The following KDM6A variants were observed in gnomAD, a reference collection of about 807,000 sequenced individuals.
KDM6A encodes the protein lysine-specific demethylase 6A.
In KDM6A, 11 loss-of-function variants were observed where a neutral mutation model predicts 117.6. That is an observed-to-expected ratio of 0.09 (90% CI 0.06 to 0.15). KDM6A has a LOEUF of 0.15. Among genes scored for constraint, KDM6A ranks in the 10% least tolerant of loss-of-function variants. KDM6A has a pLI of 1.00. For missense variants in KDM6A, 799 were observed against 1,077.3 expected, an observed-to-expected ratio of 0.74 and a Z score of 3.62; for synonymous variants, 384 against 396.1, an observed-to-expected ratio of 0.97 and a Z score of 0.36.
Position 44,873,710 on chromosome X carries a change from C to T in KDM6A, c.159C>T (p.Asp53=). Reference sequence around the variant, plus strand: ...AGAGGGAGGCGCTCGGCGGACTGGACAGGTACGGGCCGCCGTCACTCGCCC... The same window carrying T: ...AGAGGGAGGCGCTCGGCGGACTGGATAGGTACGGGCCGCCGTCACTCGCCC... ...AEEREALGGL[D]SRLFGFVRFH... is the part of the protein sequence containing the mutation. Residue 53 remains aspartate, a splice_region_variant and synonymous_variant, in exon 1 of 30, where the codon GAC becomes GAT. Transcript: ENST00000611820. 1.7e-6 allele frequency: 2 copies of T among 1,167,158 alleles called. No homozygotes were observed. The highest frequency in any genetic ancestry group is 2.3e-6 in the Non-Finnish European group (2 of 873,181).
At chrX:44,927,079 T>C (rs2036346789) in intron 2 of KDM6A, among the ~76,000 whole-genome samples, 1 of 111,660 alleles carries the variant, frequency 9.0e-6, no homozygotes, top group Non-Finnish European at 1.9e-5. Flanking sequence ...ATTTTAAAAT[T>C]TCACTTACAG....
At chrX:44,895,603 A>G (rs1161452523) in intron 2 of KDM6A, among the ~76,000 whole-genome samples, 1 of 106,272 alleles carries the variant, frequency 9.4e-6, no homozygotes, top group Non-Finnish European at 1.9e-5. Flanking sequence ...ATTAATTTGA[A>G]TCATTTCCTT....
At chrX:44,964,455 A>C (rs986121203) in intron 3 of KDM6A, among the ~76,000 whole-genome samples, 3 of 108,214 alleles carry the variant, frequency 2.8e-5, no homozygotes, top group African/African-American at 1.0e-4. Flanking sequence ...TCTCAGAAAA[A>C]AAAAAAAAAA....
At chrX:44,989,311 TTGAC>T (rs1419460394) in intron 4 of KDM6A, among the ~76,000 whole-genome samples, 1 of 104,752 alleles carries the variant, frequency 9.5e-6, no homozygotes, top group Non-Finnish European at 2.0e-5. Context: ...ACCCCTTTCT[TTGAC>T]TAGGAAAGGG....
chrX:45,005,887 C>T (rs2041414774), intron 4 of KDM6A, among the ~76,000 whole-genome samples: 1 of 106,059 alleles, frequency 9.4e-6, no homozygotes, highest in African/African-American at 3.4e-5. Context: ...GTTCAGTCCC[C>T]TCCAATGGGC....
rs900394243 is a variant in KDM6A at position 45,020,464 on chromosome X, T to C, written c.444-146T>C. ...CCATATGCCCCTTTTCAATTTTACT[T>C]TTTTAGTATTTATTAACATCATTTT... On this transcript the variant is annotated intron_variant, in intron 5 of 29. Coordinates refer to ENST00000611820, the MANE Select transcript of KDM6A (RefSeq NM_001291415.2). 72 of 581,055 alleles carry C rather than the reference T, an allele frequency of 1.2e-4. No individual in the cohort carries two copies. In the Admixed American group the frequency reaches 2.6e-3, roughly 21 times the overall value. The allele number at this position is 581,055 out of a possible 1,213,427, so 47.9% of individuals were successfully genotyped here.
At chrX:44,889,990 T>C (rs760364797) in intron 2 of KDM6A, among the ~76,000 whole-genome samples, 1 of 112,296 alleles carries the variant, frequency 8.9e-6, no homozygotes, top group Middle Eastern at 4.6e-3. Context: ...GATGCTGATA[T>C]TGAAATATAG....
At chrX:44,894,758 G>C (rs945996104) in intron 2 of KDM6A, among the ~76,000 whole-genome samples, 56 of 105,827 alleles carry the variant, frequency 5.3e-4, no homozygotes, top group Non-Finnish European at 9.1e-4. Context: ...GGGATTACAG[G>C]CACCCGTCTT....
At position 45,082,717 on chromosome X, in the gene KDM6A, C is replaced by G. The variant is rs766940719; in HGVS notation, c.3368C>G (p.Ser1123Cys). 31 of 1,200,154 alleles carry G rather than the reference C, an allele frequency of 2.6e-5. No individual in the cohort carries two copies. The East Asian group carries it at 2.7e-4, about 10-fold the overall frequency. Reference sequence around the variant, plus strand: ...TAATACTGTGTCTCTTTTTTAAGTTCTGGGAGGAGGAGGAAAGGACCCTTT... The same window carrying G: ...TAATACTGTGTCTCTTTTTTAAGTTGTGGGAGGAGGAGGAAAGGACCCTTT... ...SDSESTSSDN[S>C]GRRRKGPFKT... The change falls in exon 23 of 30, where the codon TCT (serine) becomes TGT (cysteine). Residue 1123 changes from serine to cysteine, a missense_variant and splice_region_variant. Ser to Cys is a moderately radical substitution (Grantham distance 112). This residue lies in a region of KDM6A where 291 missense variants were observed against 437.9 expected (regional missense o/e 0.66). Transcript: ENST00000611820.
At chrX:45,084,200 C>A (rs1365214551) in intron 24 of KDM6A, among the ~76,000 whole-genome samples, 1 of 111,942 alleles carries the variant, frequency 8.9e-6, no homozygotes, top group Non-Finnish European at 1.9e-5. Context: ...TGGCAAGTTA[C>A]ATTTCTTCTT....
At chrX:44,892,513 C>G (rs1394805934) in intron 2 of KDM6A, among the ~76,000 whole-genome samples, 2 of 109,443 alleles carry the variant, frequency 1.8e-5, no homozygotes, top group Non-Finnish European at 3.8e-5. Flanking sequence ...CATGGTGAAA[C>G]CCCGTCTCCA....
rs186191371 is a variant in KDM6A, at chrX:44,946,540, A to G, written c.226-14744A>G. 5.2e-3 allele frequency among the ~76,000 whole-genome samples: 581 copies of G among 111,548 alleles called. 10 individuals are homozygous for G. Among genetic ancestry groups the G allele is most frequent in the African/African-American group, 0.016 (484 of 30,749 alleles). On this transcript the variant is annotated intron_variant, in intron 2 of 29. Transcript: ENST00000611820. The stretch of plus-strand genomic sequence containing the variant: ...TTATACTAATTTTTTTTTTATAAAC[A>G]TAAGTTCTGAGCATTGAGGTAGTTG...
At chrX:45,086,068 T>C in intron 25 of KDM6A, 89 bp downstream of exon 25, 5 of 542,970 alleles carry the variant, frequency 9.2e-6, no homozygotes, top group Non-Finnish European at 1.7e-5. Flanking sequence ...TCCTAATGGA[T>C]ACATTGCCAG....
intron 4 of KDM6A, among the ~76,000 whole-genome samples, chrX:45,001,083 G>C (rs2041124097): frequency 8.9e-6 from 1 of 112,155 alleles, no homozygotes; most frequent in East Asian, 2.8e-4. Flanking sequence ...GATGGAGGAG[G>C]AGCAATTGTT....
intron 2 of KDM6A, among the ~76,000 whole-genome samples, chrX:44,877,474 C>A (rs1210990835): frequency 9.2e-6 from 1 of 108,479 alleles, no homozygotes; most frequent in Non-Finnish European, 1.9e-5. Flanking sequence ...GAAAACTAAG[C>A]AAAATATTTT....
intron 21 of KDM6A, among the ~76,000 whole-genome samples, chrX:45,080,807 GAATA>G (rs1259665530): frequency 2.7e-5 from 3 of 112,406 alleles, no homozygotes; most frequent in Non-Finnish European, 3.8e-5. Context: ...AGTCAGAAGA[GAATA>G]AATAGTAAGA....
At chrX:44,960,207 T>G (rs1194559279) in intron 2 of KDM6A, among the ~76,000 whole-genome samples, 2 of 111,674 alleles carry the variant, frequency 1.8e-5, no homozygotes, top group Non-Finnish European at 3.8e-5. Flanking sequence ...AGTTTCTTTC[T>G]TTGTGGATAC....
At chrX:45,038,536 G>A (rs1274641579) in intron 8 of KDM6A, among the ~76,000 whole-genome samples, 1 of 107,985 alleles carries the variant, frequency 9.3e-6, no homozygotes, top group Non-Finnish European at 1.9e-5. Context: ...ATTAATACAC[G>A]GTCAAGATTG....
intron 22 of KDM6A, 33 bp from the exon 23 acceptor site, chrX:45,082,682 G>T (rs1229794498): frequency 1.7e-6 from 2 of 1,171,920 alleles, no homozygotes; most frequent in African/African-American, 1.8e-5. Context: ...CTTTTTAAAA[G>T]GCATGTTTCT....
Sources: allele counts gnomAD v4.1 joint callset (sites outside exome capture counted in the v4.1 genomes callset), GRCh38; gene constraint gnomAD v4.1.1; regional missense constraint gnomAD v4.1.1; transcripts MANE v1.5; gene names NCBI Gene and HGNC (gene_info 2026-07-23, HGNC 2026-07-21).